The following ANK3 variants were observed in gnomAD, a reference collection of about 807,000 sequenced individuals.
ANK3 encodes the protein ankyrin-3.
Under a neutral mutation model 370.9 loss-of-function variants are expected in ANK3, and 57 were observed. The observed-to-expected ratio is 0.15, with a 90% CI of 0.12 to 0.19. The LOEUF (loss-of-function observed/expected upper bound fraction) is 0.19, where lower values mean the gene tolerates loss of function less well. Among genes scored for constraint, ANK3 ranks in the 10% least tolerant of loss-of-function variants. ANK3 has a pLI of 1.00. For synonymous variants in ANK3, 1,929 were observed against 1,946.3 expected, an observed-to-expected ratio of 0.99 and a Z score of 0.23; for missense variants, 4,439 against 5,302.1, an observed-to-expected ratio of 0.84 and a Z score of 5.06.
intron 2 of ANK3, among the ~76,000 whole-genome samples, chr10:60,561,015 G>T (rs2077322223): frequency 6.6e-6 from 1 of 151,974 alleles, no homozygotes; most frequent in South Asian, 2.1e-4. Context: ...AAATGCCAAG[G>T]TAAATTATCT....
At chr10:60,385,198 G>A (rs1252718818) in intron 1 of ANK3, among the ~76,000 whole-genome samples, 1 of 151,998 alleles carries the variant, frequency 6.6e-6, no homozygotes, top group East Asian at 1.9e-4. Context: ...CACACACTCA[G>A]GTCCCCTTTG....
intron 8 of ANK3, among the ~76,000 whole-genome samples, chr10:60,224,335 A>G (rs2132496038): frequency 6.6e-6 from 1 of 152,232 alleles, no homozygotes; most frequent in East Asian, 1.9e-4. Context: ...TCCAGATCTC[A>G]TATTTCATTT....
At chr10:60,586,132 AG>A (rs982558750) in intron 2 of ANK3, among the ~76,000 whole-genome samples, 11 of 152,184 alleles carry the variant, frequency 7.2e-5, no homozygotes, top group Non-Finnish European at 4.4e-5. Flanking sequence ...CAAACTTGCA[AG>A]GGTAGGAAGC....
intron 8 of ANK3, among the ~76,000 whole-genome samples, chr10:60,225,784 T>C (rs2097130005): frequency 6.6e-6 from 1 of 152,134 alleles, no homozygotes; most frequent in Admixed American, 6.6e-5. Context: ...TATTGTAGTT[T>C]TCCACTCTGT....
intron 2 of ANK3, among the ~76,000 whole-genome samples, chr10:60,426,533 C>A (rs1232878781): frequency 6.6e-6 from 1 of 152,176 alleles, no homozygotes; most frequent in East Asian, 1.9e-4. Context: ...CGCAATGAGT[C>A]ATTTGGCAAA....
intron 2 of ANK3, among the ~76,000 whole-genome samples, chr10:60,594,957 C>G (rs1328752427): frequency 3.3e-5 from 5 of 151,998 alleles, no homozygotes; most frequent in Non-Finnish European, 5.9e-5. Context: ...TTAATGGGAT[C>G]CTTTAGATTA....
chr10:60,231,681 T>A (rs1288701804), intron 8 of ANK3, among the ~76,000 whole-genome samples: 1 of 152,182 alleles, frequency 6.6e-6, no homozygotes, highest in Admixed American at 6.5e-5. Context: ...AGAAGGGACA[T>A]TTTGATGAAG....
intron 11 of ANK3, among the ~76,000 whole-genome samples, chr10:60,203,488 T>C (rs1222900573): frequency 2.6e-5 from 4 of 152,174 alleles, no homozygotes; most frequent in Non-Finnish European, 4.4e-5. Flanking sequence ...TACATACTAG[T>C]AAAAAGTCAA....
At chr10:60,186,462 C>T (rs1035396472) in intron 17 of ANK3, among the ~76,000 whole-genome samples, 3 of 151,866 alleles carry the variant, frequency 2.0e-5, no homozygotes, top group Admixed American at 6.6e-5. Context: ...GCAGTCTACC[C>T]GCCTTGTCTT....
chr10:60,725,318 C>T (rs1303672806), intron 1 of ANK3, among the ~76,000 whole-genome samples: 1 of 151,860 alleles, frequency 6.6e-6, no homozygotes, highest in Non-Finnish European at 1.5e-5. Flanking sequence ...AGTTACCTCC[C>T]ATTCCCCTCC....
chr10:60,279,157 A>C lies in ANK3; in HGVS notation c.217-9T>G. ...AGAGCGTTCAACCCATTCTGATTAA[A>C]AGTAAAGGAAAAGCTCTACTCAGCA... On this transcript the variant is annotated splice_polypyrimidine_tract_variant and intron_variant, in intron 2 of 43. Coordinates refer to ENST00000280772, the MANE Select transcript of ANK3 (RefSeq NM_020987.5). 1 of 1,612,378 alleles carries C rather than the reference A, an allele frequency of 6.2e-7. No homozygotes were observed. The highest frequency in any genetic ancestry group is 8.5e-7 in the Non-Finnish European group (1 of 1,178,674).
chr10:60,097,198 C>T (rs775580503), intron 28 of ANK3, among the ~76,000 whole-genome samples: 1 of 152,104 alleles, frequency 6.6e-6, no homozygotes, highest in African/African-American at 2.4e-5. Context: ...GGATTTAGCT[C>T]GTCAGTTTTA....
At chr10:60,130,082 T>C (rs1259041399) in intron 25 of ANK3, among the ~76,000 whole-genome samples, 2 of 152,076 alleles carry the variant, frequency 1.3e-5, no homozygotes, top group Non-Finnish European at 2.9e-5. Context: ...AAAGGGAAGG[T>C]AAAAGAATAG....
At chr10:60,554,854 A>T (rs1305201970) in intron 2 of ANK3, among the ~76,000 whole-genome samples, 1 of 152,208 alleles carries the variant, frequency 6.6e-6, no homozygotes, top group Non-Finnish European at 1.5e-5. Flanking sequence ...ACATTACATC[A>T]TATTAATGCC....
intron 1 of ANK3, among the ~76,000 whole-genome samples, chr10:60,624,942 C>A (rs78573967): frequency 0.053 from 8,088 of 152,196 alleles, 313 homozygotes; most frequent in Non-Finnish European, 0.078. Context: ...ATGAGAAGTA[C>A]GCGTGACTTC....
chr10:60,732,451 G>A (rs2080036838), intron 1 of ANK3, among the ~76,000 whole-genome samples: 1 of 152,212 alleles, frequency 6.6e-6, no homozygotes, highest in Admixed American at 6.5e-5. Context: ...GTGGGAAGAA[G>A]GAGACTATCT....
chr10:60,234,136 C>G (rs970419019), intron 8 of ANK3, among the ~76,000 whole-genome samples: 1 of 152,194 alleles, frequency 6.6e-6, no homozygotes, highest in Non-Finnish European at 1.5e-5. Flanking sequence ...ATTCATTCAT[C>G]TGTCCATGAA....
intron 23 of ANK3, among the ~76,000 whole-genome samples, chr10:60,164,986 G>A (rs1014098401): frequency 2.6e-5 from 4 of 152,164 alleles, no homozygotes; most frequent in African/African-American, 9.7e-5. Flanking sequence ...CACATTTCTA[G>A]TTAAGTAACG....
intron 43 of ANK3, among the ~76,000 whole-genome samples, chr10:60,034,214 C>A (rs532297393): frequency 3.4e-5 from 5 of 145,350 alleles, no homozygotes; most frequent in Non-Finnish European, 6.0e-5. Context: ...TCCAGTGATT[C>A]CCCTGCCTCA....
Sources: gnomAD v4.1 joint callset for allele counts (sites outside exome capture counted in the v4.1 genomes callset) on GRCh38, gnomAD v4.1.1 for gene constraint, MANE v1.5 for transcripts, NCBI Gene and HGNC (gene_info 2026-07-23, HGNC 2026-07-21) for gene names.